Variants in TLK1 observed in about 807,000 individuals in gnomAD.
TLK1 encodes the protein tousled like kinase 1.
A neutral mutation model predicts 105.3 loss-of-function variants in TLK1; 24 were observed. That is an observed-to-expected ratio of 0.23 (90% CI 0.17 to 0.32). The LOEUF is 0.32. TLK1 is among the 10% of genes least tolerant of loss of function. TLK1 has a pLI of 1.00. For synonymous variants in TLK1, 321 were observed against 310.4 expected (o/e 1.03, Z -0.36); for missense variants, 558 against 910.5 (o/e 0.61, Z 4.98).
intron 1 of TLK1, among the ~76,000 whole-genome samples, chr2:171,220,693 C>T (rs888426697): frequency 9.9e-5 from 15 of 152,130 alleles, no homozygotes; most frequent in Non-Finnish European, 1.8e-4. Context: ...TTTCCCCTCA[C>T]CCATACAACT....
At chr2:171,206,502 A>G (rs1366305519) in intron 1 of TLK1, among the ~76,000 whole-genome samples, 1 of 152,192 alleles carries the variant, frequency 6.6e-6, no homozygotes, top group East Asian at 1.9e-4. Context: ...CATGGAGATG[A>G]AACCTTTAAG....
At chr2:171,217,351 A>G (rs1693734211) in intron 1 of TLK1, among the ~76,000 whole-genome samples, 1 of 152,190 alleles carries the variant, frequency 6.6e-6, no homozygotes, top group Non-Finnish European at 1.5e-5. Flanking sequence ...GTAACTTGGG[A>G]GGTATTATTA....
chr2:171,066,773 CTTTA>C, intron 3 of TLK1: 2 of 1,490,828 alleles, frequency 1.3e-6, no homozygotes, highest in South Asian at 1.3e-5. Flanking sequence ...CCCTTTAAGG[CTTTA>C]TTTGTTAAAC....
At chr2:171,145,170 T>C (rs1691740750) in intron 1 of TLK1, among the ~76,000 whole-genome samples, 1 of 150,480 alleles carries the variant, frequency 6.6e-6, no homozygotes, top group South Asian at 2.1e-4. Context: ...TAGCCAGGCG[T>C]GGAGATGCAC....
At chr2:170,995,862 C>T (rs12988738) in intron 20 of TLK1, among the ~76,000 whole-genome samples, 48,949 of 151,960 alleles carry the variant, frequency 0.32, 8,287 homozygotes, top group Non-Finnish European at 0.35. Flanking sequence ...GCCCCTACAC[C>T]GGGCTAATTT....
chr2:171,095,643 A>C (rs866905316), intron 2 of TLK1, among the ~76,000 whole-genome samples: 2 of 152,230 alleles, frequency 1.3e-5, no homozygotes, highest in Non-Finnish European at 1.5e-5. Context: ...ACCAAGATCA[A>C]CTGAAACTTA....
intron 4 of TLK1, 116 bp from the exon 5 acceptor site, chr2:171,058,313 C>A: frequency 1.1e-6 from 1 of 918,290 alleles, no homozygotes. Flanking sequence ...AATGACATTT[C>A]AATAGAGACA....
intron 11 of TLK1, among the ~76,000 whole-genome samples, chr2:171,043,651 G>A (rs768719877): frequency 3.3e-5 from 5 of 152,116 alleles, no homozygotes; most frequent in Non-Finnish European, 5.9e-5. Context: ...TGGTGTTAGC[G>A]GGAACTTGCA....
chr2:171,181,114 T>C (rs141146366), intron 1 of TLK1, among the ~76,000 whole-genome samples: 1 of 152,306 alleles, frequency 6.6e-6, no homozygotes, highest in East Asian at 1.9e-4. Context: ...TAATGTCTCA[T>C]TGAGAGAAAC....
At chr2:171,157,321 CA>C (rs1344894046) in intron 1 of TLK1, among the ~76,000 whole-genome samples, 3 of 152,186 alleles carry the variant, frequency 2.0e-5, no homozygotes, top group African/African-American at 7.2e-5. Flanking sequence ...TAGACTTCAA[CA>C]AAGCAAAACT....
intron 1 of TLK1, among the ~76,000 whole-genome samples, chr2:171,213,998 A>G (rs1185262681): frequency 2.0e-5 from 3 of 151,362 alleles, no homozygotes; most frequent in Admixed American, 6.6e-5. Flanking sequence ...TCTAGCAGCC[A>G]TCATCTTCTT....
intron 10 of TLK1, among the ~76,000 whole-genome samples, chr2:171,046,986 C>A (rs1686992462): frequency 6.6e-6 from 1 of 151,798 alleles, no homozygotes; most frequent in African/African-American, 2.4e-5. Context: ...TGAAATGAGA[C>A]AAATTAACCT....
intron 11 of TLK1, among the ~76,000 whole-genome samples, chr2:171,034,440 C>T (rs372219859): frequency 2.0e-5 from 3 of 152,152 alleles, no homozygotes; most frequent in East Asian, 3.8e-4. Flanking sequence ...CATGCTACAA[C>T]ATGAATATAT....
At chr2:171,202,182 G>A (rs373415960) in intron 1 of TLK1, among the ~76,000 whole-genome samples, 5 of 152,220 alleles carry the variant, frequency 3.3e-5, no homozygotes, top group Middle Eastern at 3.2e-3. Flanking sequence ...CAGGCCGGGC[G>A]CGGTGGCTCA....
intron 2 of TLK1, among the ~76,000 whole-genome samples, chr2:171,093,426 G>C (rs1244452885): frequency 1.3e-5 from 2 of 152,110 alleles, no homozygotes; most frequent in Non-Finnish European, 2.9e-5. Context: ...TTCAAAGAGT[G>C]ATGCATCTGA....
intron 18 of TLK1, among the ~76,000 whole-genome samples, chr2:171,003,355 A>G (rs1262669892): frequency 6.7e-6 from 1 of 150,232 alleles, no homozygotes. Context: ...AGCTTTACAA[A>G]TTTCTTTTTT....
chr2:171,062,478 A>G (rs368089695), intron 3 of TLK1, among the ~76,000 whole-genome samples: 2 of 152,164 alleles, frequency 1.3e-5, no homozygotes, highest in African/African-American at 4.8e-5. Context: ...TCCCACCTCC[A>G]TTTTGCCAAC....
chr2:171,065,607 A>T (rs1279700708), intron 3 of TLK1, among the ~76,000 whole-genome samples: 2 of 150,726 alleles, frequency 1.3e-5, no homozygotes, highest in African/African-American at 4.9e-5. Context: ...GCGCAATCTC[A>T]GCTCACTGCA....
intron 12 of TLK1, among the ~76,000 whole-genome samples, chr2:171,027,640 A>G (rs1685837699): frequency 6.6e-6 from 1 of 152,256 alleles, no homozygotes; most frequent in African/African-American, 2.4e-5. Flanking sequence ...CTATTTATTT[A>G]CAATTGCTAT....
Sources: allele counts gnomAD v4.1 joint callset (sites outside exome capture counted in the v4.1 genomes callset), GRCh38; gene constraint gnomAD v4.1.1; transcripts MANE v1.5; gene names NCBI Gene and HGNC (gene_info 2026-07-23, HGNC 2026-07-21).